The following FUT8 variants were observed in gnomAD, a reference collection of about 807,000 sequenced individuals.
The protein encoded by FUT8 is alpha-(1,6)-fucosyltransferase.
A neutral mutation model predicts 71.3 loss-of-function variants in FUT8; 29 were observed. That is an observed-to-expected ratio of 0.41 (90% CI 0.30 to 0.55). The LOEUF is 0.55. Among genes scored for constraint, FUT8 ranks in the 20% least tolerant of loss-of-function variants. The probability of loss-of-function intolerance (pLI) is 0.34; values close to 1 mark genes in which losing one functional copy is unlikely to be tolerated. For synonymous variants in FUT8, 254 were observed against 239.3 expected (o/e 1.06, Z -0.57); for missense variants, 544 against 702.1 (o/e 0.77, Z 2.55).
At chr14:65,496,235 G>A (rs1446251491) in intron 2 of FUT8, among the ~76,000 whole-genome samples, 2 of 152,086 alleles carry the variant, frequency 1.3e-5, no homozygotes, top group African/African-American at 2.4e-5. Flanking sequence ...CATATTTTCA[G>A]TCATATTCCT....
chr14:65,531,341 T>C lies in FUT8; in HGVS notation c.-227-29996T>C, dbSNP rs953605023. On this transcript the variant is annotated intron_variant, in intron 2 of 10. Transcript: ENST00000673929. ...AGGTGTGAAGTGTACCATATCTGAT[T>C]ATTATATGTCTATGCTATTCTTAGA... Among the ~76,000 whole-genome samples the C allele has an allele frequency of 2.6e-5, 4 of 152,094 alleles. No homozygotes were observed. The South Asian group carries it at 6.2e-4, about 24-fold the overall frequency.
the FUT8 span, among the ~76,000 whole-genome samples, chr14:65,400,240 G>A: frequency 1.4e-3 from 219 of 152,178 alleles, 1 homozygote; most frequent in Admixed American, 0.011. Flanking sequence ...CTATTCAACC[G>A]TGCCCCAAAT....
intron 2 of FUT8, among the ~76,000 whole-genome samples, chr14:65,469,537 A>T (rs566861109): frequency 2.6e-4 from 39 of 152,212 alleles, no homozygotes; most frequent in Non-Finnish European, 4.7e-4. Flanking sequence ...TCCTGTGTCC[A>T]GGAAGAATTA....
chr14:65,673,544 A>G (rs1892572218), intron 7 of FUT8, among the ~76,000 whole-genome samples: 1 of 152,224 alleles, frequency 6.6e-6, no homozygotes, highest in Non-Finnish European at 1.5e-5. Flanking sequence ...AATTATGAGT[A>G]GGAGTCAACC....
At chr14:65,615,537 A>C (rs1889234949) in intron 3 of FUT8, among the ~76,000 whole-genome samples, 1 of 152,244 alleles carries the variant, frequency 6.6e-6, no homozygotes, top group Non-Finnish European at 1.5e-5. Context: ...TTAATTTAGA[A>C]ATACATTATA....
intron 5 of FUT8, among the ~76,000 whole-genome samples, chr14:65,623,673 G>A (rs1465242361): frequency 2.0e-5 from 3 of 152,138 alleles, no homozygotes; most frequent in Non-Finnish European, 1.5e-5. Flanking sequence ...AGCTGAGATC[G>A]TGCCACTGCA....
rs78713884 is a variant in FUT8 at position 65,706,467 on chromosome 14, T to G, written c.836-15308T>G. ...TCCTTAGTAAAGAGAATGAATGACC[T>G]TATAAAACAGGATTATTAACCAGAG... On this transcript the variant is annotated intron_variant, in intron 7 of 10. Transcript: ENST00000673929. 4.8e-3 allele frequency among the ~76,000 whole-genome samples: 736 copies of G among 152,260 alleles called. 7 individuals carry two copies. Among genetic ancestry groups the G allele is most frequent in the East Asian group, 0.034 (177 of 5,176 alleles).
At chr14:65,580,089 T>TATAG (rs1227052957) in intron 3 of FUT8, among the ~76,000 whole-genome samples, 1 of 148,966 alleles carries the variant, frequency 6.7e-6, no homozygotes. Flanking sequence ...TATATATATA[T>TATAG]AGTCATGCAT....
intron 7 of FUT8, among the ~76,000 whole-genome samples, chr14:65,671,400 A>G (rs776913628): frequency 4.6e-5 from 7 of 152,186 alleles, no homozygotes; most frequent in Non-Finnish European, 7.4e-5. Flanking sequence ...TCTTAATGTT[A>G]CAACTAAAGA....
intron 7 of FUT8, among the ~76,000 whole-genome samples, chr14:65,698,244 A>G (rs963822570): frequency 3.4e-4 from 51 of 152,232 alleles, no homozygotes; most frequent in African/African-American, 1.1e-3. Flanking sequence ...ACATTACTGA[A>G]TAACTAAAAT....
the FUT8 span, among the ~76,000 whole-genome samples, chr14:65,375,756 G>T: frequency 2.6e-5 from 4 of 152,218 alleles, no homozygotes; most frequent in Admixed American, 6.5e-5. Context: ...GTCAGACATT[G>T]CCTCTTAGAG....
chr14:65,553,841 A>T, intron 2 of FUT8, among the ~76,000 whole-genome samples: 1 of 148,822 alleles, frequency 6.7e-6, no homozygotes, highest in East Asian at 2.0e-4. Context: ...TACCTGAAAG[A>T]TTTTTCTCTT....
chr14:65,697,878 G>T lies in FUT8; in HGVS notation c.836-23897G>T, dbSNP rs534948585. Among the ~76,000 whole-genome samples the T allele has an allele frequency of 2.6e-4, 39 of 152,222 alleles. 1 individual carries two copies. The highest frequency in any genetic ancestry group is 8.2e-4 in the African/African-American group (34 of 41,526). ...TAATCCCAGCTACTCCAGAGGCTGA[G>T]GCAGGAGAATCACTTGAACCCAGGA... is the stretch of plus-strand genomic sequence containing the variant. On this transcript the variant is annotated intron_variant, in intron 7 of 10. Coordinates refer to ENST00000673929, the MANE Select transcript of FUT8 (RefSeq NM_001371533.1).
intron 9 of FUT8, among the ~76,000 whole-genome samples, chr14:65,725,532 G>A (rs1217711328): frequency 6.6e-6 from 1 of 152,160 alleles, no homozygotes; most frequent in African/African-American, 2.4e-5. Flanking sequence ...GAAAATTCTA[G>A]TCTTAGTTCT....
intron 1 of FUT8, among the ~76,000 whole-genome samples, chr14:65,451,759 C>A (rs1015315593): frequency 6.6e-6 from 1 of 152,176 alleles, no homozygotes; most frequent in African/African-American, 2.4e-5. Context: ...CCATCTCTGG[C>A]AAGATTCTTC....
chr14:65,422,848 C>T (rs59822422), intron 1 of FUT8, among the ~76,000 whole-genome samples: 18,747 of 151,520 alleles, frequency 0.12, 1,493 homozygotes, highest in East Asian at 0.38. Context: ...GGCAGGGTCT[C>T]GCTGTATTGC....
chr14:65,676,261 C>T (rs925778072), intron 7 of FUT8, among the ~76,000 whole-genome samples: 2 of 152,168 alleles, frequency 1.3e-5, no homozygotes, highest in African/African-American at 4.8e-5. Flanking sequence ...TAGCATCCAC[C>T]TCACTATGGA....
At chr14:65,455,140 C>A (rs749084132) in intron 1 of FUT8, among the ~76,000 whole-genome samples, 2 of 151,952 alleles carry the variant, frequency 1.3e-5, no homozygotes, top group Admixed American at 1.3e-4. Context: ...ACAAATTGTT[C>A]TATGGAAAGA....
At chr14:65,541,066 TTC>T (rs1555369571) in intron 2 of FUT8, among the ~76,000 whole-genome samples, 2 of 152,224 alleles carry the variant, frequency 1.3e-5, no homozygotes, top group Non-Finnish European at 1.5e-5. Flanking sequence ...CCTTATTTTT[TTC>T]TGGTAAATCA....
Sources: allele counts gnomAD v4.1 joint callset (sites outside exome capture counted in the v4.1 genomes callset), GRCh38; gene constraint gnomAD v4.1.1; transcripts MANE v1.5; gene names NCBI Gene and HGNC (gene_info 2026-07-23, HGNC 2026-07-21).